ETS2: variants seen among roughly 807,000 people sequenced by gnomAD.
ETS2 encodes the protein ETS proto-oncogene 2, transcription factor.
In ETS2, 19 loss-of-function variants were observed where a neutral mutation model predicts 54.9. That is an observed-to-expected ratio of 0.35 (90% CI 0.24 to 0.51). The LOEUF (loss-of-function observed/expected upper bound fraction) is 0.51. Ranked by LOEUF, ETS2 falls within the 20% of genes least tolerant of loss-of-function variation. The pLI, the probability that ETS2 is intolerant of heterozygous loss-of-function variation, is 0.97. For synonymous variants in ETS2, 219 were observed against 229.3 expected (o/e 0.95, Z 0.41); for missense variants, 417 against 593.0 (o/e 0.70, Z 3.08).
At chr21:38,813,224 T>A (rs2060920627) in intron 3 of ETS2, 110 bp downstream of exon 3, 2 of 762,628 alleles carry the variant, frequency 2.6e-6, no homozygotes, top group African/African-American at 3.4e-5. Context: ...GAATCTTTGA[T>A]ATGAATAGCC....
chr21:38,818,152 G>A (rs557061712), intron 6 of ETS2, among the ~76,000 whole-genome samples: 131 of 152,296 alleles, frequency 8.6e-4, no homozygotes, highest in African/African-American at 3.1e-3. Context: ...CTGTCTTCCT[G>A]AAGGTCCCAT....
rs1180885980 is a variant in ETS2 at position 38,822,800 on chromosome 21, C to T, written c.1321C>T (p.Arg441Cys). ...HKTSGKRYVY[R>C]FVCDLQNLLG... is the part of the protein sequence containing the mutation. ...GACGTCGGGGAAGCGCTACGTGTAC[C>T]GCTTCGTGTGCGACCTCCAGAACTT... Residue 441 changes from arginine to cysteine, a missense_variant, in exon 10 of 10, where the codon CGC (arginine) becomes TGC (cysteine). Arg to Cys is a radical substitution (Grantham distance 180). This residue lies in a region of ETS2 where 60 missense variants were observed against 134.1 expected (regional missense o/e 0.45). Coordinates refer to ENST00000360938, the MANE Select transcript of ETS2 (RefSeq NM_005239.6). 4 of 1,613,994 alleles carry T rather than the reference C, an allele frequency of 2.5e-6. No homozygotes were observed. The highest frequency in any genetic ancestry group is 3.4e-6 in the Non-Finnish European group (4 of 1,179,898).
Position 38,806,593 on chromosome 21 carries a change from G to T in ETS2, c.-1+473G>T, listed in dbSNP as rs714780. 0.13 allele frequency: 130,885 copies of T among 985,172 alleles called. 11,000 individuals carry two copies. Among genetic ancestry groups the T allele is most frequent in the African/African-American group, 0.39 (22,181 of 57,220 alleles). The allele number at this position is 985,172 out of a possible 1,614,324, so 61.0% of individuals were successfully genotyped here. On this transcript the variant is annotated intron_variant, in intron 1 of 9. Transcript: ENST00000360938. The surrounding 1 kb of genome is among the most constrained non-coding windows in gnomAD (Gnocchi z 4.3). ...GGGTGACTTCCTGGAGCGGCGCCGG[G>T]CCCGGAGGATCTGGGGCGCCCAAGA...
upstream of ETS2, chr21:38,805,539 G>C: frequency 7.8e-7 from 1 of 1,286,546 alleles, no homozygotes; most frequent in Non-Finnish European, 1.0e-6. This position sits in a 1 kb window ranked among gnomAD's most constrained non-coding sequence, Gnocchi z 5.2. Context: ...GCGCACGTGG[G>C]GCCGAGGCCC....
intron 1 of ETS2, 181 bp from the exon 2 acceptor site, chr21:38,809,854 A>G: frequency 1.9e-6 from 1 of 537,040 alleles, no homozygotes; most frequent in South Asian, 2.5e-5. Context: ...TGTGATACTG[A>G]GAAATGCTTT....
intron 1 of ETS2, among the ~76,000 whole-genome samples, chr21:38,808,544 C>T (rs2060901926): frequency 6.6e-6 from 1 of 151,336 alleles, no homozygotes; most frequent in Admixed American, 6.6e-5. Flanking sequence ...TTTTCTGATG[C>T]CTCTGGCCTC....
chr21:38,805,832 G>A, upstream of ETS2: 1 of 913,738 alleles, frequency 1.1e-6, no homozygotes, highest in Non-Finnish European at 1.4e-6. The surrounding 1 kb of genome is among the most constrained non-coding windows in gnomAD (Gnocchi z 5.2). Context: ...CTCCTCCCTC[G>A]TTTCCTCCCC....
At chr21:38,809,179 T>A (rs1219905913) in intron 1 of ETS2, among the ~76,000 whole-genome samples, 1 of 152,226 alleles carries the variant, frequency 6.6e-6, no homozygotes, top group Non-Finnish European at 1.5e-5. Context: ...TAAAAATTAT[T>A]GAGCTTTTTT....
At position 38,821,650 on chromosome 21, in the gene ETS2, A is replaced by C. The variant is rs1156617709; in HGVS notation, c.1140A>C (p.Ser380=). Residue 380 remains serine (S), a synonymous_variant, in exon 9 of 10, where the codon TCA becomes TCC. Coordinates refer to ENST00000360938, the MANE Select transcript of ETS2 (RefSeq NM_005239.6). The surrounding 1 kb of genome is among the most constrained non-coding windows in gnomAD (Gnocchi z 4.2). ...LELLSDKSCQ[S]FISWTGDGWE... ...TGCTATCAGACAAATCCTGCCAGTC[A>C]TTCATCAGCTGGACTGGAGACGGAT... 1 of 1,614,092 alleles carries C rather than the reference A, an allele frequency of 6.2e-7. No individual in the cohort carries two copies. The highest frequency in any genetic ancestry group is 8.5e-7 in the Non-Finnish European group (1 of 1,180,026).
At chr21:38,819,864 T>A in intron 8 of ETS2, 98 bp downstream of exon 8, 1 of 1,237,822 alleles carries the variant, frequency 8.1e-7, no homozygotes, top group Non-Finnish European at 1.1e-6. Context: ...AGGGTGTTTC[T>A]AAGCTAGGTA....
intron 3 of ETS2, among the ~76,000 whole-genome samples, chr21:38,813,799 G>A (rs1481805322): frequency 3.3e-5 from 5 of 152,172 alleles, no homozygotes; most frequent in Non-Finnish European, 1.5e-5. Flanking sequence ...GAGGGTGTCT[G>A]GAGAAGATTG....
rs1482481173 is a variant in ETS2, at chr21:38,806,893, G to C, written c.-1+773G>C. 1.1e-6 allele frequency: 1 copy of C among 946,384 alleles called. No homozygotes were observed. Among genetic ancestry groups the C allele is most frequent in the Non-Finnish European group, 1.3e-6 (1 of 794,468 alleles). 58.6% of individuals were successfully genotyped at this position (946,384 alleles called of 1,614,324 possible). Reference sequence around the variant, plus strand: ...TTACGGCAGGAGACCTTTTATGTTAGCCTGTACACAATTTCAGGGTAGCCT... The same window carrying C: ...TTACGGCAGGAGACCTTTTATGTTACCCTGTACACAATTTCAGGGTAGCCT... On this transcript the variant is annotated intron_variant, in intron 1 of 9. Transcript: ENST00000360938. This position sits in a 1 kb window ranked among gnomAD's most constrained non-coding sequence, Gnocchi z 4.3.
chr21:38,810,074 C>G lies in ETS2; in HGVS notation c.40C>G (p.Pro14Ala). 1 of 1,561,798 alleles carries G rather than the reference C, an allele frequency of 6.4e-7. No homozygotes were observed. The highest frequency in any genetic ancestry group is 2.4e-5 in the East Asian group (1 of 41,296). The change falls in exon 2 of 10, where the codon CCT becomes GCT. Residue 14 changes from proline (P) to alanine (A), a missense_variant. Around this residue, in one of 3 missense-constraint regions of ETS2, gnomAD observed 326 missense variants for 426.1 expected, o/e 0.76. Coordinates refer to ENST00000360938, the MANE Select transcript of ETS2 (RefSeq NM_005239.6). ...AATCAAGAATATGGACCAGGTAGCC[C>G]CTGTGGCTAACAGTTACAGAGGGAC... ...FGIKNMDQVA[P>A]VANSYRGTLK...
rs200893699 is a variant in ETS2 at position 38,818,474 on chromosome 21, C to A, written c.639C>A (p.Pro213=). 2 of 1,614,044 alleles carry A rather than the reference C, an allele frequency of 1.2e-6. No individual in the cohort carries two copies. Among genetic ancestry groups the A allele is most frequent in the Non-Finnish European group, 1.7e-6 (2 of 1,180,040 alleles). ...APYGMQTQNY[P]KGGLLDSMCP... is the part of the protein sequence containing the mutation. Reference sequence around the variant, plus strand: ...ATGGAATGCAGACACAGAATTACCCCAAAGGCGGCCTCCTGGACAGCATGT... The same window carrying A: ...ATGGAATGCAGACACAGAATTACCCAAAAGGCGGCCTCCTGGACAGCATGT... Residue 213 remains proline (P), a synonymous_variant, in exon 7 of 10, where the codon CCC becomes CCA. Transcript: ENST00000360938.
rs2060925736 is a variant in ETS2 at position 38,814,606 on chromosome 21, G to C, written c.305-175G>C. On this transcript the variant is annotated intron_variant, in intron 4 of 9. Transcript: ENST00000360938. This position sits in a 1 kb window ranked among gnomAD's most constrained non-coding sequence, Gnocchi z 4.2. Reference sequence around the variant, plus strand: ...TGTAGTAGAAGGACGCATTACTGGTGTCTTGAAATGTGCCTGGGTCGTGTC... The same window carrying C: ...TGTAGTAGAAGGACGCATTACTGGTCTCTTGAAATGTGCCTGGGTCGTGTC... 6.6e-6 allele frequency among the ~76,000 whole-genome samples: 1 copy of C among 152,224 alleles called. No homozygotes were observed. The highest frequency in any genetic ancestry group is 2.1e-4 in the South Asian group (1 of 4,834).
Position 38,823,836 on chromosome 21 carries a change from A to G in ETS2, c.*947A>G, listed in dbSNP as rs188051027. 6.5e-6 allele frequency: 1 copy of G among 152,740 alleles called. No homozygotes were observed. Among genetic ancestry groups the G allele is most frequent in the Non-Finnish European group, 1.5e-5 (1 of 68,026 alleles). The allele number at this position is 152,740 out of a possible 1,614,324, so 9.5% of individuals were successfully genotyped here. The stretch of plus-strand genomic sequence containing the variant: ...TTTTCCACTTCTTTGCATGCGTTTA[A>G]GTCAGTTTATACACAAAATGGATTT... On this transcript the variant is annotated 3_prime_UTR_variant, in exon 10 of 10. Transcript: ENST00000360938.
In ETS2 at chr21:38,823,228, G is replaced by A. The variant is rs1373888344; in HGVS notation, c.*339G>A. 5.1e-6 allele frequency: 1 copy of A among 197,512 alleles called. No individual in the cohort carries two copies. The highest frequency in any genetic ancestry group is 2.3e-5 in the African/African-American group (1 of 43,296). The allele number at this position is 197,512 out of a possible 1,614,324, so 12.2% of individuals were successfully genotyped here. On this transcript the variant is annotated 3_prime_UTR_variant, in exon 10 of 10. Transcript: ENST00000360938. ...AGCGAGCATGTCGTGGACACACACA[G>A]ACTATTTTTAGATTTTCTTTTGCCT...
chr21:38,821,493 C>T lies in ETS2; in HGVS notation c.1076-93C>T. On this transcript the variant is annotated intron_variant, in intron 8 of 9. Coordinates refer to ENST00000360938, the MANE Select transcript of ETS2 (RefSeq NM_005239.6). The surrounding 1 kb of genome is among the most constrained non-coding windows in gnomAD (Gnocchi z 4.2). ...CCATTCAGAGAGTTGGGTCTGCATT[C>T]CTAAATCAGCATGTACAATTAGGAT... 1 of 940,996 alleles carries T rather than the reference C, an allele frequency of 1.1e-6. No individual in the cohort carries two copies. The highest frequency in any genetic ancestry group is 1.7e-6 in the Non-Finnish European group (1 of 584,474). 58.3% of individuals were successfully genotyped at this position (940,996 alleles called of 1,614,324 possible).
At position 38,816,994 on chromosome 21, in the gene ETS2, T is replaced by C. The variant is rs1370440467; in HGVS notation, c.506-14T>C. 2.0e-6 allele frequency: 3 copies of C among 1,527,492 alleles called. No homozygotes were observed. Among genetic ancestry groups the C allele is most frequent in the Admixed American group, 3.3e-5 (2 of 59,916 alleles). The allele number at this position is 1,527,492 out of a possible 1,614,324, so 94.6% of individuals were successfully genotyped here. On this transcript the variant is annotated splice_polypyrimidine_tract_variant and intron_variant, in intron 5 of 9. Coordinates refer to ENST00000360938, the MANE Select transcript of ETS2 (RefSeq NM_005239.6). Reference sequence around the variant, plus strand: ...TACATCTGCCATCTTACGTCTCCTGTGTCTGCTTTTCAGAAAACCAAGAAA... The same window carrying C: ...TACATCTGCCATCTTACGTCTCCTGCGTCTGCTTTTCAGAAAACCAAGAAA...
Sources: gnomAD v4.1 joint callset for allele counts (sites outside exome capture counted in the v4.1 genomes callset) on GRCh38, gnomAD v4.1.1 for gene constraint, gnomAD v4.1.1 regional missense constraint, Gnocchi (gnomAD v3.1) non-coding constraint, MANE v1.5 for transcripts, NCBI Gene and HGNC (gene_info 2026-07-23, HGNC 2026-07-21) for gene names.